MAF: variants seen among roughly 807,000 people sequenced by gnomAD.
MAF encodes MAF bZIP transcription factor, also known as transcription factor Maf.
MAF carries 10 observed loss-of-function variants against 22.0 expected under a neutral mutation model. That is an observed-to-expected ratio of 0.45 (90% CI 0.28 to 0.77). MAF has a LOEUF of 0.77. Among genes scored for constraint, MAF ranks in the 30% least tolerant of loss-of-function variants. MAF has a pLI of 0.12. For missense variants in MAF, 544 were observed against 548.4 expected, an observed-to-expected ratio of 0.99 and a Z score of 0.08; for synonymous variants, 337 against 255.8, an observed-to-expected ratio of 1.32 and a Z score of -3.03.
chr16:79,275,504 G>T, the MAF span, among the ~76,000 whole-genome samples: 2 of 152,194 alleles, frequency 1.3e-5, no homozygotes, highest in African/African-American at 2.4e-5. Context: ...AGAGACACGA[G>T]CAAGGAAAGT....
chr16:79,444,080 T>C, the MAF span, among the ~76,000 whole-genome samples: 3,534 of 152,190 alleles, frequency 0.023, 161 homozygotes, highest in East Asian at 0.19. Flanking sequence ...TTTTGAAAGA[T>C]AGTTAATAGG....
chr16:79,598,661 C>T, intron 1 of MAF, 124 bp downstream of exon 1: 1 of 1,252,320 alleles, frequency 8.0e-7, no homozygotes, highest in South Asian at 1.3e-5. Flanking sequence ...GGGCCAAACT[C>T]GGTGGGGGTG....
chr16:79,301,965 G>A, the MAF span, among the ~76,000 whole-genome samples: 8 of 152,336 alleles, frequency 5.3e-5, no homozygotes, highest in African/African-American at 9.6e-5. Context: ...ACAAGGGTGC[G>A]TCCTATGCCG....
chr16:79,478,594 C>A, the MAF span, among the ~76,000 whole-genome samples: 1 of 152,270 alleles, frequency 6.6e-6, no homozygotes, highest in East Asian at 1.9e-4. Context: ...AGAACCACCC[C>A]TGTATACCAC....
At position 79,599,172 on chromosome 16, in the gene MAF, C is replaced by T. The variant is rs1423244186; in HGVS notation, c.731G>A (p.Gly244Asp). 14 of 1,220,948 alleles carry T rather than the reference C, an allele frequency of 1.1e-5. No homozygotes were observed. Among genetic ancestry groups the T allele is most frequent in the Non-Finnish European group, 1.3e-5 (13 of 977,050 alleles). The allele number at this position is 1,220,948 out of a possible 1,614,324, so 75.6% of individuals were successfully genotyped here. ...GGGGGAAGAG[G>D]ALHPHHAAGG... ...GGCGGCGTGGTGCGGGTGCAGGGCG[C>T]CCCCCGCCCCCGCCGCGCCCCCGCC... The change falls in exon 1 of 2, where the codon GGC becomes GAC. Residue 244 changes from glycine (G) to aspartate (D), a missense_variant. Around this residue, in one of 5 missense-constraint regions of MAF, gnomAD observed 342 missense variants for 315.5 expected, o/e 1.08. Transcript: ENST00000326043.
At chr16:79,212,200 C>T in the MAF span, 10 of 1,452,192 alleles carry the variant, frequency 6.9e-6, no homozygotes, top group African/African-American at 1.1e-4. Flanking sequence ...CCTTCTCCTA[C>T]TTAGGGAAGA....
the MAF span, among the ~76,000 whole-genome samples, chr16:79,401,805 A>G: frequency 1.3e-5 from 2 of 152,212 alleles, no homozygotes; most frequent in Non-Finnish European, 2.9e-5. Context: ...AGCTGCTGAG[A>G]TGACAGCTGT....
At chr16:79,524,268 C>T in the MAF span, among the ~76,000 whole-genome samples, 3 of 152,186 alleles carry the variant, frequency 2.0e-5, no homozygotes, top group African/African-American at 7.2e-5. Context: ...CTGCATTAGC[C>T]GGGGGCTATG....
the MAF span, among the ~76,000 whole-genome samples, chr16:79,504,535 A>C: frequency 6.6e-6 from 1 of 152,216 alleles, no homozygotes; most frequent in Non-Finnish European, 1.5e-5. Flanking sequence ...GTGTGGCATA[A>C]AACAATTACC....
the MAF span, among the ~76,000 whole-genome samples, chr16:79,492,965 C>CT: frequency 0.44 from 66,060 of 148,714 alleles, 15,646 homozygotes; most frequent in Non-Finnish European, 0.55. Flanking sequence ...TTTTCTTTTT[C>CT]TTTTTTTTTT....
At chr16:79,455,130 C>T in the MAF span, among the ~76,000 whole-genome samples, 1 of 148,994 alleles carries the variant, frequency 6.7e-6, no homozygotes, top group Non-Finnish European at 1.5e-5. Flanking sequence ...TCCCTCCACC[C>T]TTTGTCCATT....
the MAF span, among the ~76,000 whole-genome samples, chr16:79,470,636 T>A: frequency 6.6e-6 from 1 of 152,226 alleles, no homozygotes; most frequent in African/African-American, 2.4e-5. Flanking sequence ...TGGGTATTAT[T>A]CTTCCCATTT....
chr16:79,311,608 G>T, the MAF span, among the ~76,000 whole-genome samples: 1 of 152,118 alleles, frequency 6.6e-6, no homozygotes, highest in East Asian at 1.9e-4. Flanking sequence ...AGAGAGGCAG[G>T]CAGCCAAGCC....
the MAF span, among the ~76,000 whole-genome samples, chr16:79,366,625 T>C: frequency 6.6e-6 from 1 of 152,232 alleles, no homozygotes; most frequent in Non-Finnish European, 1.5e-5. Context: ...AGGATGTGGA[T>C]TTCTGGTGGA....
At chr16:79,347,026 A>G in the MAF span, among the ~76,000 whole-genome samples, 1 of 152,196 alleles carries the variant, frequency 6.6e-6, no homozygotes, top group Non-Finnish European at 1.5e-5. Context: ...ACTCAGCCAA[A>G]TGGCAGCTGT....
chr16:79,407,357 A>G, the MAF span, among the ~76,000 whole-genome samples: 528 of 152,344 alleles, frequency 3.5e-3, 3 homozygotes, highest in African/African-American at 0.012. Flanking sequence ...AAATGTGACC[A>G]TAAAGGATAT....
chr16:79,302,016 A>G, the MAF span, among the ~76,000 whole-genome samples: 5 of 152,184 alleles, frequency 3.3e-5, no homozygotes, highest in Non-Finnish European at 5.9e-5. Context: ...CGCCTCTCAC[A>G]GATAGGCATG....
chr16:79,253,952 A>G, the MAF span, among the ~76,000 whole-genome samples: 2 of 151,790 alleles, frequency 1.3e-5, no homozygotes, highest in East Asian at 3.9e-4. Flanking sequence ...AATTCTTGCC[A>G]TGCAGTTGTC....
chr16:79,309,858 C>T, the MAF span, among the ~76,000 whole-genome samples: 4 of 152,170 alleles, frequency 2.6e-5, no homozygotes, highest in Non-Finnish European at 4.4e-5. Context: ...CACAACTCGG[C>T]TCCCAGCTCT....
Sources: allele counts gnomAD v4.1 joint callset (sites outside exome capture counted in the v4.1 genomes callset), GRCh38; gene constraint gnomAD v4.1.1; regional missense constraint gnomAD v4.1.1; transcripts MANE v1.5; gene names NCBI Gene and HGNC (gene_info 2026-07-23, HGNC 2026-07-21).